Variants in ADGRL2 observed in about 807,000 individuals in gnomAD.
The protein encoded by ADGRL2 is adhesion G protein-coupled receptor L2.
Under a neutral mutation model 157.4 loss-of-function variants are expected in ADGRL2, and 44 were observed. The ratio of observed to expected loss-of-function variants is 0.28; its 90% confidence interval spans 0.22 to 0.36. ADGRL2 has a LOEUF of 0.36. Among genes scored for constraint, ADGRL2 ranks in the 10% least tolerant of loss-of-function variants. The pLI, the probability that ADGRL2 is intolerant of heterozygous loss-of-function variation, is 1.00. For missense variants in ADGRL2, 1,510 were observed against 1,768.9 expected (o/e 0.85, Z 2.63); for synonymous variants, 585 against 624.7 (o/e 0.94, Z 0.95).
chr1:81,993,358 A>G lies in ADGRL2; in HGVS notation c.*2213A>G, dbSNP rs1664934349. 6.6e-6 allele frequency among the ~76,000 whole-genome samples: 1 copy of G among 151,770 alleles called. No homozygotes were observed. Among genetic ancestry groups the G allele is most frequent in the Non-Finnish European group, 1.5e-5 (1 of 67,952 alleles). On this transcript the variant is annotated 3_prime_UTR_variant, in exon 24 of 24. Transcript: ENST00000686636. ...TTTTATTTTAAATGCCTAAAACCAT[A>G]CAGTATTGTGTGATGTGTAATTCCT...
intron 2 of ADGRL2, among the ~76,000 whole-genome samples, chr1:81,501,444 C>G (rs566289146): frequency 2.8e-4 from 42 of 152,350 alleles, no homozygotes; most frequent in African/African-American, 9.9e-4. Flanking sequence ...GCTGCTGTGA[C>G]TTGAAATTCC....
At chr1:81,376,098 T>C (rs1205747504) in intron 1 of ADGRL2, among the ~76,000 whole-genome samples, 1 of 152,192 alleles carries the variant, frequency 6.6e-6, no homozygotes, top group East Asian at 1.9e-4. Flanking sequence ...CTCTTCCCCT[T>C]ACTGGGCTGA....
At chr1:81,846,014 T>A (rs1474349019) in intron 2 of ADGRL2, among the ~76,000 whole-genome samples, 1 of 152,082 alleles carries the variant, frequency 6.6e-6, no homozygotes, top group East Asian at 1.9e-4. Flanking sequence ...TAAATATTTT[T>A]ATTTAAATTT....
At chr1:81,927,028 T>C (rs979841590) in intron 3 of ADGRL2, among the ~76,000 whole-genome samples, 10 of 152,066 alleles carry the variant, frequency 6.6e-5, no homozygotes, top group African/African-American at 2.4e-4. Context: ...TAAGGAAATT[T>C]TTGGAGTTTC....
intron 1 of ADGRL2, among the ~76,000 whole-genome samples, chr1:81,430,511 C>T (rs1449326705): frequency 6.6e-6 from 1 of 152,136 alleles, no homozygotes; most frequent in Admixed American, 6.5e-5. Context: ...CAGGAACCTG[C>T]TATTTCTGAA....
intron 1 of ADGRL2, among the ~76,000 whole-genome samples, chr1:81,308,545 T>C (rs1406073169): frequency 6.6e-6 from 1 of 152,076 alleles, no homozygotes. Context: ...TGAGGATAGA[T>C]ATAAAAAGTG....
rs1339446316 is a variant in ADGRL2 at position 81,990,890 on chromosome 1, G to GCCC, written c.4156_4158dup (p.Pro1386dup). ...ACAGAGACTCTCTTTATACAAGCATGCCCAATCTTAGAGACTCTCCCTATC... is the reference window on the plus strand; with the variant it reads ...ACAGAGACTCTCTTTATACAAGCATGCCCCCCAATCTTAGAGACTCTCCCTATC... On this transcript the variant is annotated inframe_insertion, in exon 24 of 24. Coordinates refer to ENST00000686636, the MANE Select transcript of ADGRL2 (RefSeq NM_001366006.2). 6.2e-7 allele frequency: 1 copy of GCCC among 1,614,086 alleles called. No homozygotes were observed. The highest frequency in any genetic ancestry group is 1.1e-5 in the South Asian group (1 of 91,078).
chr1:81,440,332 G>A (rs764257018), intron 1 of ADGRL2, among the ~76,000 whole-genome samples: 2 of 152,176 alleles, frequency 1.3e-5, no homozygotes, highest in African/African-American at 4.8e-5. Context: ...ACTACTTCAC[G>A]TTGTGAAAAT....
chr1:81,573,861 A>C (rs1557473841), intron 2 of ADGRL2, among the ~76,000 whole-genome samples: 1 of 152,186 alleles, frequency 6.6e-6, no homozygotes, highest in Non-Finnish European at 1.5e-5. Flanking sequence ...TTATATGATT[A>C]AATACTGGTT....
intron 1 of ADGRL2, among the ~76,000 whole-genome samples, chr1:81,382,507 C>A (rs1042153693): frequency 6.6e-6 from 1 of 152,028 alleles, no homozygotes; most frequent in African/African-American, 2.4e-5. Flanking sequence ...TTCAATTGCA[C>A]GCCATTGTGT....
intron 3 of ADGRL2, among the ~76,000 whole-genome samples, chr1:81,610,146 T>C (rs2081511007): frequency 6.6e-6 from 1 of 151,808 alleles, no homozygotes; most frequent in South Asian, 2.1e-4. Context: ...GAGCATAAGA[T>C]CTATTCTGAT....
chr1:81,459,762 C>A (rs985482627), intron 2 of ADGRL2, among the ~76,000 whole-genome samples: 22 of 148,744 alleles, frequency 1.5e-4, no homozygotes, highest in African/African-American at 5.2e-4. Context: ...ATATATATAT[C>A]CTGCTTAGTG....
chr1:81,692,743 T>C (rs2148996780), intron 3 of ADGRL2, among the ~76,000 whole-genome samples: 1 of 152,334 alleles, frequency 6.6e-6, no homozygotes, highest in South Asian at 2.1e-4. Flanking sequence ...TGTAGAGCAG[T>C]AATAGGCATT....
chr1:81,575,659 AT>A (rs545452160), intron 2 of ADGRL2, among the ~76,000 whole-genome samples: 2 of 151,994 alleles, frequency 1.3e-5, no homozygotes, highest in African/African-American at 4.8e-5. Context: ...ATACATACAG[AT>A]TTTTTTTGTT....
At chr1:81,538,850 C>CA (rs1433983380) in intron 2 of ADGRL2, among the ~76,000 whole-genome samples, 7 of 151,314 alleles carry the variant, frequency 4.6e-5, no homozygotes, top group East Asian at 1.9e-4. Flanking sequence ...ACCAAAAATA[C>CA]AAAAAAAATT....
At chr1:81,925,466 T>C (rs980838940) in intron 3 of ADGRL2, among the ~76,000 whole-genome samples, 1 of 151,872 alleles carries the variant, frequency 6.6e-6, no homozygotes, top group East Asian at 1.9e-4. Flanking sequence ...AAATTAAGTT[T>C]AGTGAAGAAA....
chr1:81,608,406 A>G (rs1398350189), intron 3 of ADGRL2, among the ~76,000 whole-genome samples: 1 of 152,176 alleles, frequency 6.6e-6, no homozygotes, highest in Non-Finnish European at 1.5e-5. Context: ...TGCTAGTTTC[A>G]TGTCCATATC....
chr1:81,372,141 G>A (rs2076170890), intron 1 of ADGRL2, among the ~76,000 whole-genome samples: 1 of 152,112 alleles, frequency 6.6e-6, no homozygotes, highest in African/African-American at 2.4e-5. Context: ...TCTCAAGTCT[G>A]CAATGTCGGT....
At chr1:81,334,849 G>A (rs2100721282) in intron 1 of ADGRL2, among the ~76,000 whole-genome samples, 1 of 152,298 alleles carries the variant, frequency 6.6e-6, no homozygotes, top group Middle Eastern at 3.4e-3. Flanking sequence ...ATCCTCACAG[G>A]ATAGATATTT....
Sources: gnomAD v4.1 joint callset for allele counts (sites outside exome capture counted in the v4.1 genomes callset) on GRCh38, gnomAD v4.1.1 for gene constraint, MANE v1.5 for transcripts, NCBI Gene and HGNC (gene_info 2026-07-23, HGNC 2026-07-21) for gene names.